The following OPCML variants were observed in gnomAD, a reference collection of about 807,000 sequenced individuals.
OPCML encodes the protein opioid binding protein/cell adhesion molecule like, also known as opioid-binding protein/cell adhesion molecule.
A neutral mutation model predicts 37.8 loss-of-function variants in OPCML; 13 were observed. The observed-to-expected ratio is 0.34, with a 90% confidence interval of 0.22 to 0.55. OPCML has a LOEUF of 0.55. Among genes scored for constraint, OPCML ranks in the 20% least tolerant of loss-of-function variants. OPCML has a pLI of 0.91. For missense variants in OPCML, 341 were observed against 435.6 expected, an observed-to-expected ratio of 0.78 and a Z score of 1.93; for synonymous variants, 176 against 168.8, an observed-to-expected ratio of 1.04 and a Z score of -0.33.
chr11:132,486,412 TA>T lies in OPCML; in HGVS notation c.505+42648del, dbSNP rs552526657. On this transcript the variant is annotated intron_variant, in intron 4 of 7. Coordinates refer to ENST00000524381, the MANE Select transcript of OPCML (RefSeq NM_001012393.5). ...CTGACAAATGCAATTTCTTCATTGT[TA>T]AAAAAAATGCATTTTGAACTTCAGA... Among the ~76,000 whole-genome samples, 30 of 151,844 alleles carry T rather than the reference TA, an allele frequency of 2.0e-4. 2 individuals are homozygous for T. Among genetic ancestry groups the T allele is most frequent in the Admixed American group, 9.9e-4 (15 of 15,228 alleles).
chr11:132,501,409 C>T (rs527850582), intron 4 of OPCML, among the ~76,000 whole-genome samples: 1 of 152,214 alleles, frequency 6.6e-6, no homozygotes, highest in South Asian at 2.1e-4. Flanking sequence ...TAAGTGGATT[C>T]CTGGTCCCGG....
rs1405051987 is a variant in OPCML at position 132,814,006 on chromosome 11, T to A, written c.146+128920A>T. ...CTCTTTAGTGGTTGCCTCAAAGTTATCCTTTTCACACTGAAATCCCAATGT... is the reference window on the plus strand; with the variant it reads ...CTCTTTAGTGGTTGCCTCAAAGTTAACCTTTTCACACTGAAATCCCAATGT... On this transcript the variant is annotated intron_variant, in intron 2 of 7. Transcript: ENST00000524381. Among the ~76,000 whole-genome samples the A allele has an allele frequency of 2.0e-5, 3 of 152,198 alleles. No homozygotes were observed. In the East Asian group the frequency reaches 5.8e-4, roughly 29 times the overall value.
intron 3 of OPCML, among the ~76,000 whole-genome samples, chr11:132,631,589 A>G (rs2135693509): frequency 6.6e-6 from 1 of 150,626 alleles, no homozygotes; most frequent in South Asian, 2.1e-4. Context: ...CCTCCCGAGT[A>G]GCTGGGACTA....
intron 3 of OPCML, among the ~76,000 whole-genome samples, chr11:132,587,239 T>C (rs1371552521): frequency 1.3e-5 from 2 of 152,160 alleles, no homozygotes; most frequent in Non-Finnish European, 2.9e-5. Context: ...GGACATAACA[T>C]CTCCAACAGA....
intron 1 of OPCML, among the ~76,000 whole-genome samples, chr11:133,289,392 G>T (rs549624027): frequency 6.6e-6 from 1 of 150,652 alleles, no homozygotes; most frequent in Non-Finnish European, 1.5e-5. Flanking sequence ...TCAGGAGATC[G>T]AGACCATCCC....
chr11:133,335,657 C>T (rs1232534886), intron 1 of OPCML, among the ~76,000 whole-genome samples: 1 of 152,162 alleles, frequency 6.6e-6, no homozygotes, highest in East Asian at 1.9e-4. Flanking sequence ...GAATCGCCTC[C>T]TCCAAGTCTT....
chr11:133,207,389 A>AGGGTAACAATT (rs1939126697), intron 1 of OPCML, among the ~76,000 whole-genome samples: 1 of 152,202 alleles, frequency 6.6e-6, no homozygotes, highest in Non-Finnish European at 1.5e-5. Context: ...TTAAGTCAGG[A>AGGGTAACAATT]GGGTAACAAT....
chr11:133,237,851 C>T (rs548418376), intron 1 of OPCML, among the ~76,000 whole-genome samples: 11 of 152,268 alleles, frequency 7.2e-5, no homozygotes, highest in African/African-American at 2.4e-4. Flanking sequence ...AACTAGGATG[C>T]GCCTGGTGCC....
chr11:132,870,604 T>A (rs914412961), intron 2 of OPCML, among the ~76,000 whole-genome samples: 1 of 152,190 alleles, frequency 6.6e-6, no homozygotes, highest in Admixed American at 6.5e-5. Context: ...TGCCCTCTCA[T>A]GTTCATCGCA....
At chr11:133,238,352 T>G (rs769547089) in intron 1 of OPCML, among the ~76,000 whole-genome samples, 5 of 152,242 alleles carry the variant, frequency 3.3e-5, no homozygotes, top group Non-Finnish European at 5.9e-5. Flanking sequence ...TTTCAAAGGC[T>G]TGGTACACAA....
chr11:132,438,254 C>G (rs1298499668), intron 4 of OPCML, among the ~76,000 whole-genome samples: 1 of 152,218 alleles, frequency 6.6e-6, no homozygotes. Flanking sequence ...TGTCTTCCAT[C>G]ACAAATGTTC....
intron 1 of OPCML, among the ~76,000 whole-genome samples, chr11:133,164,872 G>A (rs1004830418): frequency 1.3e-5 from 2 of 152,152 alleles, no homozygotes; most frequent in Admixed American, 6.5e-5. Context: ...TGCATCCTCT[G>A]GAACTCTGAG....
At chr11:132,488,450 A>G in intron 4 of OPCML, among the ~76,000 whole-genome samples, 1 of 152,176 alleles carries the variant, frequency 6.6e-6, no homozygotes, top group East Asian at 1.9e-4. Context: ...CTCCTAGGGT[A>G]CAAATCTGTA....
chr11:132,758,484 G>A (rs769010738), intron 2 of OPCML, among the ~76,000 whole-genome samples: 3 of 152,090 alleles, frequency 2.0e-5, no homozygotes, highest in Non-Finnish European at 2.9e-5. Flanking sequence ...CTTGAGCAGT[G>A]GTTTGTAGTT....
intron 1 of OPCML, among the ~76,000 whole-genome samples, chr11:133,055,984 G>A (rs895510153): frequency 1.3e-5 from 2 of 152,104 alleles, no homozygotes; most frequent in Middle Eastern, 3.4e-3. Context: ...ATACAATGCT[G>A]CCTCCATGAT....
intron 1 of OPCML, among the ~76,000 whole-genome samples, chr11:133,241,478 A>G (rs561515285): frequency 2.0e-5 from 3 of 152,364 alleles, no homozygotes; most frequent in Admixed American, 2.0e-4. Context: ...TGCTTCCAGC[A>G]TATGGTCAGA....
chr11:133,532,460 G>A lies in OPCML; in HGVS notation c.-136C>T. On this transcript the variant is annotated 5_prime_UTR_variant, in exon 1 of 8. Transcript: ENST00000524381. ...AAAGGGAGGGAGAGAGCAGAAGAGA[G>A]AGAGAGCGCGCGAGAGATGGGAGCA... 1 of 1,053,978 alleles carries A rather than the reference G, an allele frequency of 9.5e-7. No individual in the cohort carries two copies. Among genetic ancestry groups the A allele is most frequent in the Non-Finnish European group, 1.4e-6 (1 of 708,998 alleles). 65.3% of individuals were successfully genotyped at this position (1,053,978 alleles called of 1,614,324 possible).
intron 1 of OPCML, among the ~76,000 whole-genome samples, chr11:133,169,248 T>A (rs1229453475): frequency 1.3e-5 from 2 of 152,206 alleles, no homozygotes; most frequent in Non-Finnish European, 2.9e-5. Flanking sequence ...AGCTGGAAAG[T>A]GATAGTGTCT....
At chr11:132,854,561 C>T (rs757156933) in intron 2 of OPCML, among the ~76,000 whole-genome samples, 13 of 152,144 alleles carry the variant, frequency 8.5e-5, no homozygotes, top group Non-Finnish European at 1.9e-4. Flanking sequence ...ATCTCATTAG[C>T]ATGCAAAAGG....
Sources: allele counts gnomAD v4.1 joint callset (sites outside exome capture counted in the v4.1 genomes callset), GRCh38; gene constraint gnomAD v4.1.1; transcripts MANE v1.5; gene names NCBI Gene and HGNC (gene_info 2026-07-23, HGNC 2026-07-21).